Variants in OR51E2 observed in about 807,000 individuals in gnomAD.
OR51E2 encodes the protein olfactory receptor 51E2.
In OR51E2, 14 loss-of-function variants were observed where a neutral mutation model predicts 13.7. The observed-to-expected ratio is 1.02, with a 90% confidence interval of 0.68 to 1.60. The LOEUF (loss-of-function observed/expected upper bound fraction) is 1.60. Among genes scored for constraint, OR51E2 ranks in the 40% most tolerant of loss-of-function variants. The pLI, the probability that OR51E2 is intolerant of heterozygous loss-of-function variation, is 0.00. For missense variants in OR51E2, 483 were observed against 413.8 expected, an observed-to-expected ratio of 1.17 and a Z score of -1.45; for synonymous variants, 180 against 157.6, an observed-to-expected ratio of 1.14 and a Z score of -1.07.
At chr11:4,694,842 T>C (rs1290322906) in intron 1 of OR51E2, among the ~76,000 whole-genome samples, 2 of 152,052 alleles carry the variant, frequency 1.3e-5, no homozygotes, top group Admixed American at 6.6e-5. Flanking sequence ...TGTGTCTGTG[T>C]GTGTCAAGAA....
At chr11:4,693,539 G>A (rs1016864837) in intron 1 of OR51E2, among the ~76,000 whole-genome samples, 1 of 152,150 alleles carries the variant, frequency 6.6e-6, no homozygotes, top group Non-Finnish European at 1.5e-5. Context: ...GGCTAACATG[G>A]TGAAACCTCG....
Position 4,682,533 on chromosome 11 carries a change from A to AG in OR51E2, c.178dup (p.Leu60ProfsTer10), listed in dbSNP as rs1564885355. ...AATGGCTGCAAGCATGCAGAGAAAG[A>AG]GGTACATCGGAGCGTGCAGGCTGCG... On this transcript the variant is annotated frameshift_variant, in exon 2 of 2. Transcript: ENST00000396950. LOFTEE classifies it high-confidence loss of function. 1.9e-6 allele frequency: 3 copies of AG among 1,614,096 alleles called. No individual in the cohort carries two copies. The Admixed American group carries it at 5.0e-5, about 27-fold the overall frequency.
At position 4,682,271 on chromosome 11, in the gene OR51E2, A is replaced by C; in HGVS notation, c.441T>G (p.Ala147=). Residue 147 remains alanine (A), a synonymous_variant, in exon 2 of 2, where the codon GCT becomes GCG. Transcript: ENST00000396950. ...AAAAAAAGAGGGATCCGCGGACCAC[A>C]GCCACGATGCCAATCTGGGCTGTTA... The part of the protein sequence containing the change: ...NTVTAQIGIV[A]VVRGSLFFFP... The C allele has an allele frequency of 6.2e-7, 1 of 1,614,212 alleles. No individual in the cohort carries two copies. Among genetic ancestry groups the C allele is most frequent in the East Asian group, 2.2e-5 (1 of 44,868 alleles).
At position 4,681,524 on chromosome 11, in the gene OR51E2, G is replaced by C; in HGVS notation, c.*225C>G. The stretch of plus-strand genomic sequence containing the variant: ...ATGTATCTTTATTGTTTTTCTTAAT[G>C]TTATAAGCATGTTTGGTTTTATTGT... On this transcript the variant is annotated 3_prime_UTR_variant, in exon 2 of 2. Coordinates refer to ENST00000396950, the MANE Select transcript of OR51E2 (RefSeq NM_030774.4). The C allele has an allele frequency of 1.8e-6, 1 of 545,860 alleles. No individual in the cohort carries two copies. Among genetic ancestry groups the C allele is most frequent in the Non-Finnish European group, 3.2e-6 (1 of 311,240 alleles). 33.8% of individuals were successfully genotyped at this position (545,860 alleles called of 1,614,324 possible). A position where few individuals can be genotyped will look rare whatever the true frequency, so the allele number is the denominator to read the frequency against.
In OR51E2 at chr11:4,682,618, A is replaced by C; in HGVS notation, c.94T>G (p.Ser32Ala). 1 of 1,614,192 alleles carries C rather than the reference A, an allele frequency of 6.2e-7. No individual in the cohort carries two copies. Among genetic ancestry groups the C allele is most frequent in the Non-Finnish European group, 8.5e-7 (1 of 1,180,024 alleles). ...CCAAACATTGCCACTACATACATGG[A>C]AAGGAGGGGGAAGCCAACCCAGAAA... ...AHFWVGFPLLSMYVVAMFGNC... is the reference protein window; with the variant it reads ...AHFWVGFPLLAMYVVAMFGNC... Residue 32 changes from serine to alanine, a missense_variant, in exon 2 of 2, where the codon TCC becomes GCC. Coordinates refer to ENST00000396950, the MANE Select transcript of OR51E2 (RefSeq NM_030774.4).
At chr11:4,692,172 G>T (rs1287389805) in intron 1 of OR51E2, 1 of 452,704 alleles carries the variant, frequency 2.2e-6, no homozygotes, top group East Asian at 7.0e-5. Flanking sequence ...CATAAGTGTG[G>T]AAAGCAGAGA....
In OR51E2 at chr11:4,681,373, G is replaced by T; in HGVS notation, c.*376C>A. 1 of 200,124 alleles carries T rather than the reference G, an allele frequency of 5.0e-6. No homozygotes were observed. Among genetic ancestry groups the T allele is most frequent in the Non-Finnish European group, 1.0e-5 (1 of 98,190 alleles). The allele number at this position is 200,124 out of a possible 1,614,324, so 12.4% of individuals were successfully genotyped here. On this transcript the variant is annotated 3_prime_UTR_variant, in exon 2 of 2. Coordinates refer to ENST00000396950, the MANE Select transcript of OR51E2 (RefSeq NM_030774.4). ...CTCAAAAAAAAAAAAAGTTGTATGT[G>T]ACAGCTAACCATAATAAAAAAAAAA...
intron 1 of OR51E2, among the ~76,000 whole-genome samples, chr11:4,686,593 G>A (rs1847517958): frequency 6.6e-6 from 1 of 152,214 alleles, no homozygotes; most frequent in Non-Finnish European, 1.5e-5. Flanking sequence ...AGTCATGTGA[G>A]ACAGGAACTT....
At chr11:4,690,730 G>T (rs1237455011) in intron 1 of OR51E2, 1 of 375,780 alleles carries the variant, frequency 2.7e-6, no homozygotes, top group African/African-American at 2.1e-5. Flanking sequence ...ATCTTGAGGG[G>T]TCCATCTAGT....
chr11:4,693,496 C>T (rs890890238), intron 1 of OR51E2, among the ~76,000 whole-genome samples: 14 of 152,146 alleles, frequency 9.2e-5, no homozygotes, highest in South Asian at 2.1e-4. Flanking sequence ...CCGAGGTGGG[C>T]GGATCACGAG....
In OR51E2 at chr11:4,681,613, A is replaced by C; in HGVS notation, c.*136T>G. 2 of 876,340 alleles carry C rather than the reference A, an allele frequency of 2.3e-6. No individual in the cohort carries two copies. Among genetic ancestry groups the C allele is most frequent in the Non-Finnish European group, 3.6e-6 (2 of 561,410 alleles). The allele number at this position is 876,340 out of a possible 1,614,324, so 54.3% of individuals were successfully genotyped here. ...TTCCACATAATAGTCCTTTAGGTAG[A>C]TGTACCATACTTTAGTTTACTATTC... On this transcript the variant is annotated 3_prime_UTR_variant, in exon 2 of 2. Transcript: ENST00000396950.
At position 4,682,436 on chromosome 11, in the gene OR51E2, G is replaced by A; in HGVS notation, c.276C>T (p.Ser92=). 1 of 1,614,206 alleles carries A rather than the reference G, an allele frequency of 6.2e-7. No homozygotes were observed. Among genetic ancestry groups the A allele is most frequent in the Non-Finnish European group, 8.5e-7 (1 of 1,180,032 alleles). ...ACATCTGGGTAAGACAGGCCTCAAA[G>A]CTAATCTCTCGGGAATCAAACCAGA... The part of the protein sequence containing the change: ...ALFWFDSREI[S]FEACLTQMFF... Residue 92 remains serine (S), a synonymous_variant, in exon 2 of 2, where the codon AGC becomes AGT. Transcript: ENST00000396950.
chr11:4,691,102 C>T, intron 1 of OR51E2: 1 of 456,670 alleles, frequency 2.2e-6, no homozygotes, highest in Non-Finnish European at 4.4e-6. Flanking sequence ...GCAGTCAGCC[C>T]AACTGCACTG....
chr11:4,695,961 A>G (rs1438225758), intron 1 of OR51E2, among the ~76,000 whole-genome samples: 2 of 152,154 alleles, frequency 1.3e-5, no homozygotes, highest in Non-Finnish European at 2.9e-5. Context: ...AGACTCATAA[A>G]TCTGCAATCT....
intron 1 of OR51E2, among the ~76,000 whole-genome samples, chr11:4,694,531 C>CACACACACAT (rs1564888437): frequency 2.7e-5 from 4 of 147,160 alleles, no homozygotes; most frequent in African/African-American, 5.1e-5. Flanking sequence ...TACACACACA[C>CACACACACAT]ATATATACGT....
intron 1 of OR51E2, among the ~76,000 whole-genome samples, chr11:4,683,008 C>T (rs1314726130): frequency 6.6e-6 from 1 of 152,232 alleles, no homozygotes; most frequent in African/African-American, 2.4e-5. Context: ...ATTCTTCCTA[C>T]TGGTCCATAC....
chr11:4,689,074 T>C (rs964630699), intron 1 of OR51E2, among the ~76,000 whole-genome samples: 3 of 152,164 alleles, frequency 2.0e-5, no homozygotes, highest in Non-Finnish European at 2.9e-5. Flanking sequence ...AGCATAGAGA[T>C]GGTACTTAAA....
At chr11:4,686,491 C>T (rs1015350112) in intron 1 of OR51E2, among the ~76,000 whole-genome samples, 1 of 152,078 alleles carries the variant, frequency 6.6e-6, no homozygotes, top group Non-Finnish European at 1.5e-5. Flanking sequence ...TAAGCAGGGA[C>T]ATCACAACTA....
In OR51E2 at chr11:4,681,751, A is replaced by G; in HGVS notation, c.961T>C (p.Ter321ArgextTer13). Reference protein sequence around the residue: ...DKDLQAVGGK* With the variant: ...DKDLQAVGGKR ...AAGGAGAAGTGTAGTGTTAAGGGTCACTTGCCTCCCACAGCCTGCAAGTCC... is the reference window on the plus strand; with the variant it reads ...AAGGAGAAGTGTAGTGTTAAGGGTCGCTTGCCTCCCACAGCCTGCAAGTCC... Residue 321 changes from the stop codon to arginine (R), a stop_lost, in exon 2 of 2, where the codon TGA becomes CGA. Transcript: ENST00000396950. 1 of 1,613,830 alleles carries G rather than the reference A, an allele frequency of 6.2e-7. No individual in the cohort carries two copies. The highest frequency in any genetic ancestry group is 8.5e-7 in the Non-Finnish European group (1 of 1,179,704).
Sources: gnomAD v4.1 joint callset for allele counts (sites outside exome capture counted in the v4.1 genomes callset) on GRCh38, gnomAD v4.1.1 for gene constraint, MANE v1.5 for transcripts, NCBI Gene and HGNC (gene_info 2026-07-23, HGNC 2026-07-21) for gene names.